The following RAB3IP variants were observed in gnomAD, a reference collection of about 807,000 sequenced individuals.
RAB3IP encodes the protein RAB3A interacting protein.
In RAB3IP, 36 loss-of-function variants were observed where a neutral mutation model predicts 59.1. The ratio of observed to expected loss-of-function variants is 0.61; its 90% CI spans 0.47 to 0.80. The LOEUF is 0.80. Among genes scored for constraint, RAB3IP ranks in the 30% least tolerant of loss-of-function variants. The pLI, the probability that RAB3IP is intolerant of heterozygous loss-of-function variation, is 0.00. For missense variants in RAB3IP, 511 were observed against 536.0 expected (o/e 0.95, Z 0.46); for synonymous variants, 207 against 191.2 (o/e 1.08, Z -0.68).
At chr12:69,808,884 A>G (rs532982687) in intron 8 of RAB3IP, among the ~76,000 whole-genome samples, 1 of 152,156 alleles carries the variant, frequency 6.6e-6, no homozygotes, top group East Asian at 1.9e-4. Flanking sequence ...TAATTGGAGC[A>G]TTTAGCCCAT....
chr12:69,810,006 GT>G (rs1287706474), intron 8 of RAB3IP, among the ~76,000 whole-genome samples: 2 of 152,260 alleles, frequency 1.3e-5, no homozygotes, highest in African/African-American at 4.8e-5. Context: ...TTTCTGCTCT[GT>G]TTTTTCCCCA....
intron 4 of RAB3IP, among the ~76,000 whole-genome samples, chr12:69,788,265 C>A (rs1876029595): frequency 6.6e-6 from 1 of 152,050 alleles, no homozygotes; most frequent in African/African-American, 2.4e-5. Flanking sequence ...TATACTTACA[C>A]AAACCAAGAT....
At chr12:69,770,599 C>G (rs1050851439) in intron 3 of RAB3IP, among the ~76,000 whole-genome samples, 1 of 152,152 alleles carries the variant, frequency 6.6e-6, no homozygotes, top group African/African-American at 2.4e-5. Context: ...TATTACCACT[C>G]TGAATCCATA....
intron 1 of RAB3IP, among the ~76,000 whole-genome samples, chr12:69,746,180 TG>T (rs1184897373): frequency 3.9e-5 from 6 of 152,226 alleles, no homozygotes; most frequent in African/African-American, 1.4e-4. Flanking sequence ...CTCATTGCCT[TG>T]GGAGTCATTT....
chr12:69,744,102 C>T (rs1459769212), intron 1 of RAB3IP, among the ~76,000 whole-genome samples: 2 of 151,914 alleles, frequency 1.3e-5, no homozygotes, highest in African/African-American at 4.8e-5. Context: ...CATCATCTAC[C>T]TTAGGTATTT....
At chr12:69,797,477 CTTTTTT>C in intron 6 of RAB3IP, among the ~76,000 whole-genome samples, 12 of 54,956 alleles carry the variant, frequency 2.2e-4, no homozygotes, top group Non-Finnish European at 2.9e-4. Context: ...TCTTTTCTTT[CTTTTTT>C]TTTTTTTTTT....
intron 2 of RAB3IP, among the ~76,000 whole-genome samples, 163 bp from the exon 3 acceptor site, chr12:69,756,242 G>A (rs193240138): frequency 1.4e-4 from 22 of 152,260 alleles, no homozygotes; most frequent in Admixed American, 4.6e-4. Flanking sequence ...ACCACATGTA[G>A]CTATTGAGCA....
chr12:69,807,067 T>A (rs142229302), intron 8 of RAB3IP, among the ~76,000 whole-genome samples: 1,745 of 152,348 alleles, frequency 0.011, 31 homozygotes, highest in African/African-American at 0.037. Flanking sequence ...ATCGTCATCA[T>A]GGCCTGTTCT....
At chr12:69,763,575 T>C (rs143060093) in intron 3 of RAB3IP, among the ~76,000 whole-genome samples, 73 of 152,348 alleles carry the variant, frequency 4.8e-4, no homozygotes, top group African/African-American at 1.5e-3. Flanking sequence ...TCTTTGAAAA[T>C]GCTTCAGGAT....
At chr12:69,799,899 A>T (rs1425585520) in intron 6 of RAB3IP, among the ~76,000 whole-genome samples, 1 of 152,132 alleles carries the variant, frequency 6.6e-6, no homozygotes, top group African/African-American at 2.4e-5. Context: ...AGGAGCTCAG[A>T]GTGAGGATAA....
intron 3 of RAB3IP, among the ~76,000 whole-genome samples, chr12:69,764,408 C>G (rs1871862119): frequency 6.6e-6 from 1 of 152,156 alleles, no homozygotes; most frequent in Non-Finnish European, 1.5e-5. Context: ...GAGTCATTTC[C>G]TCATTGCTTA....
chr12:69,800,109 C>CT (rs1357664666), intron 6 of RAB3IP, 100 bp from the exon 7 acceptor site: 13 of 896,476 alleles, frequency 1.5e-5, no homozygotes, highest in Non-Finnish European at 1.6e-5. Flanking sequence ...AAATGAAGAG[C>CT]TTTTTTTCAG....
At chr12:69,741,174 G>T (rs2136089830) in intron 1 of RAB3IP, among the ~76,000 whole-genome samples, 1 of 152,348 alleles carries the variant, frequency 6.6e-6, no homozygotes, top group Admixed American at 6.5e-5. Context: ...GAGCTTGATT[G>T]TGTGCAAGGC....
At chr12:69,757,547 A>G (rs1428273424) in intron 3 of RAB3IP, among the ~76,000 whole-genome samples, 1 of 152,230 alleles carries the variant, frequency 6.6e-6, no homozygotes, top group East Asian at 1.9e-4. Context: ...GAAAAACTGC[A>G]TATATAAACC....
intron 3 of RAB3IP, among the ~76,000 whole-genome samples, chr12:69,769,697 T>C (rs1872789226): frequency 6.6e-6 from 1 of 152,142 alleles, no homozygotes; most frequent in African/African-American, 2.4e-5. Context: ...AGCATTACAG[T>C]AGGTTGTGTA....
intron 8 of RAB3IP, 91 bp from the exon 9 acceptor site, chr12:69,812,687 G>A (rs1592634857): frequency 1.2e-6 from 1 of 807,150 alleles, no homozygotes; most frequent in East Asian, 2.6e-5. Context: ...TCAAATATTT[G>A]TTATCTAACT....
intron 6 of RAB3IP, among the ~76,000 whole-genome samples, chr12:69,798,296 G>A (rs1052340122): frequency 5.3e-5 from 8 of 152,070 alleles, no homozygotes; most frequent in African/African-American, 1.9e-4. Context: ...ATTTTTTCAT[G>A]TGTTTTTTGG....
chr12:69,786,964 A>G (rs929465656), intron 4 of RAB3IP, among the ~76,000 whole-genome samples: 1 of 152,216 alleles, frequency 6.6e-6, no homozygotes, highest in Non-Finnish European at 1.5e-5. Flanking sequence ...ATTCGAACCA[A>G]TTATTTATGA....
intron 6 of RAB3IP, among the ~76,000 whole-genome samples, chr12:69,796,982 A>G (rs1016873721): frequency 6.6e-6 from 1 of 152,192 alleles, no homozygotes; most frequent in Non-Finnish European, 1.5e-5. Flanking sequence ...CTCTTCAGGT[A>G]CGTGTTATAG....
Sources: allele counts gnomAD v4.1 joint callset (sites outside exome capture counted in the v4.1 genomes callset), GRCh38; gene constraint gnomAD v4.1.1; transcripts MANE v1.5; gene names NCBI Gene and HGNC (gene_info 2026-07-23, HGNC 2026-07-21).